KCNH2: variants seen among roughly 807,000 people sequenced by gnomAD.
KCNH2 encodes the protein voltage-gated inwardly rectifying potassium channel KCNH2.
A neutral mutation model predicts 95.9 loss-of-function variants in KCNH2; 35 were observed. The observed-to-expected ratio is 0.37, with a 90% CI of 0.28 to 0.48. KCNH2 has a LOEUF of 0.48. Ranked by LOEUF, KCNH2 falls within the 20% of genes least tolerant of loss-of-function variation. The pLI is 0.99. For synonymous variants in KCNH2, 786 were observed against 754.7 expected (o/e 1.04, Z -0.68); for missense variants, 1,274 against 1,702.9 (o/e 0.75, Z 4.43).
chr7:150,945,316 C>T lies in KCNH2; in HGVS notation c.*49G>A. On this transcript the variant is annotated 3_prime_UTR_variant, in exon 15 of 15. Transcript: ENST00000262186. The surrounding 1 kb of genome is among the most constrained non-coding windows in gnomAD (Gnocchi z 5.6). ...AGGGCCTCCAAGGGGAGCGGCCCAGCAGCGCCTTGATCCCTGGGTGAGCCA... is the reference window on the plus strand; with the variant it reads ...AGGGCCTCCAAGGGGAGCGGCCCAGTAGCGCCTTGATCCCTGGGTGAGCCA... 6.4e-7 allele frequency: 1 copy of T among 1,553,934 alleles called. No individual in the cohort carries two copies. Among genetic ancestry groups the T allele is most frequent in the Non-Finnish European group, 8.7e-7 (1 of 1,147,756 alleles).
rs552583527 is a variant in KCNH2 at position 150,958,158 on chromosome 7, G to A, written c.817C>T (p.Arg273Ter). 7.5e-7 allele frequency: 1 copy of A among 1,334,908 alleles called. No homozygotes were observed. The highest frequency in any genetic ancestry group is 2.0e-5 in the South Asian group (1 of 50,038). 82.7% of individuals were successfully genotyped at this position (1,334,908 alleles called of 1,614,324 possible). ...CGGCGCACGCTGGCGCAGCTTTCTC[G>A]GGAGCGCGTCCGGGCCAGGCTGCAG... is the stretch of plus-strand genomic sequence containing the variant. ...SSCSLARTRS[R>*]ESCASVRRAS... is the part of the protein sequence containing the mutation. The change falls in exon 4 of 15, where the codon CGA becomes TGA. Residue 273 changes from arginine (R) to a stop codon, truncating the protein, a stop_gained. Transcript: ENST00000262186. LOFTEE classifies it high-confidence loss of function.
intron 11 of KCNH2, 85 bp downstream of exon 11, chr7:150,948,359 T>TA (rs1800996179): frequency 3.6e-6 from 4 of 1,109,600 alleles, no homozygotes; most frequent in Non-Finnish European, 5.3e-6. Context: ...GAGGCCTGGG[T>TA]AAAGCAGACA....
chr7:150,955,410 G>A (rs1292043571), intron 5 of KCNH2: 1 of 1,561,998 alleles, frequency 6.4e-7, no homozygotes, highest in Non-Finnish European at 8.7e-7. Context: ...TGGGCCACGA[G>A]GCTGGAGATG....
chr7:150,947,820 C>T lies in KCNH2; in HGVS notation c.2751G>A (p.Pro917=), dbSNP rs1404614771. The T allele has an allele frequency of 7.2e-6, 11 of 1,526,070 alleles. No homozygotes were observed. Among genetic ancestry groups the T allele is most frequent in the African/African-American group, 4.1e-5 (3 of 72,664 alleles). 94.5% of individuals were successfully genotyped at this position (1,526,070 alleles called of 1,614,324 possible). A position where few individuals can be genotyped will look rare whatever the true frequency, so the allele number is the denominator to read the frequency against. ...GCCCCCCCGGCCGGCCCCGGCTACT[C>T]GGCCCTGCCCCCGCCCGGCCCGGCC... The part of the protein sequence containing the change: ...ALGPGRAGAG[P]SSRGRPGGPW... The change falls in exon 12 of 15, where the codon CCG becomes CCA. Residue 917 remains proline, a synonymous_variant. Transcript: ENST00000262186.
chr7:150,955,922 C>T, intron 5 of KCNH2: 3 of 868,894 alleles, frequency 3.5e-6, no homozygotes, highest in Non-Finnish European at 4.2e-6. Flanking sequence ...CCGCAGCCCG[C>T]CCAGGCTCCT....
rs755987120 is a variant in KCNH2, at chr7:150,947,594, C to T, written c.2965+12G>A. On this transcript the variant is annotated intron_variant, in intron 12 of 14. Coordinates refer to ENST00000262186, the MANE Select transcript of KCNH2 (RefSeq NM_000238.4). ...GCCCGGTCCTCCCTCGCCCGCCCGT[C>T]GCCCGGGATACCTGACAGGGGGTTG... 9.3e-6 allele frequency: 15 copies of T among 1,611,808 alleles called. No homozygotes were observed. Among genetic ancestry groups the T allele is most frequent in the Admixed American group, 8.4e-5 (5 of 59,852 alleles).
At position 150,951,843 on chromosome 7, in the gene KCNH2, A is replaced by C; in HGVS notation, c.1558-8T>G. On this transcript the variant is annotated splice_polypyrimidine_tract_variant and splice_region_variant and intron_variant, in intron 6 of 14. Transcript: ENST00000262186. ...CTTCAGCAGCCCGATCAGCTGGGGG[A>C]CAGGGAAGGGGCACATTCCGTTGAT... 6.4e-7 allele frequency: 1 copy of C among 1,564,010 alleles called. No individual in the cohort carries two copies. Among genetic ancestry groups the C allele is most frequent in the Non-Finnish European group, 8.7e-7 (1 of 1,152,080 alleles).
chr7:150,955,687 T>C, intron 5 of KCNH2: 1 of 1,372,974 alleles, frequency 7.3e-7, no homozygotes, highest in Non-Finnish European at 9.4e-7. Context: ...GGGGTCACCC[T>C]GGCAGTAAGC....
chr7:150,957,635 G>C, intron 4 of KCNH2, 133 bp from the exon 5 acceptor site: 2 of 731,034 alleles, frequency 2.7e-6, no homozygotes, highest in Non-Finnish European at 4.8e-6. Context: ...GACCAGGGGA[G>C]TCACAAGAAA....
intron 5 of KCNH2, among the ~76,000 whole-genome samples, chr7:150,956,114 C>T (rs914260818): frequency 8.5e-5 from 13 of 152,262 alleles, no homozygotes; most frequent in African/African-American, 2.6e-4. Context: ...ACACGCCTGC[C>T]GACACATACA....
chr7:150,946,245 G>A lies in KCNH2; in HGVS notation c.3330+632C>T, dbSNP rs527441723. On this transcript the variant is annotated intron_variant, in intron 14 of 14. Transcript: ENST00000262186. The surrounding 1 kb of genome is among the most constrained non-coding windows in gnomAD (Gnocchi z 6.5). Reference sequence around the variant, plus strand: ...TCCTGCAGAGGCCAGGAACATGCAGGTCCACCCAGGAGAGGACAAGGGGCA... The same window carrying A: ...TCCTGCAGAGGCCAGGAACATGCAGATCCACCCAGGAGAGGACAAGGGGCA... Among the ~76,000 whole-genome samples, 1 of 152,250 alleles carries A rather than the reference G, an allele frequency of 6.6e-6. No individual in the cohort carries two copies. Among genetic ancestry groups the A allele is most frequent in the Non-Finnish European group, 1.5e-5 (1 of 68,010 alleles).
chr7:150,956,562 G>A (rs1337432360), intron 5 of KCNH2, among the ~76,000 whole-genome samples: 2 of 152,016 alleles, frequency 1.3e-5, no homozygotes, highest in Non-Finnish European at 1.5e-5. Flanking sequence ...TGGAGGGGTC[G>A]CAGGTCCTCT....
intron 5 of KCNH2, among the ~76,000 whole-genome samples, chr7:150,956,280 GC>G (rs1254801482): frequency 1.3e-5 from 2 of 152,166 alleles, no homozygotes; most frequent in Non-Finnish European, 2.9e-5. Context: ...GAGGGGGAAT[GC>G]TCTGGAGTCA....
In KCNH2 at chr7:150,947,452, G is replaced by C; in HGVS notation, c.3028C>G (p.Gln1010Glu). 2 of 1,566,854 alleles carry C rather than the reference G, an allele frequency of 1.3e-6. No individual in the cohort carries two copies. Among genetic ancestry groups the C allele is most frequent in the Non-Finnish European group, 1.7e-6 (2 of 1,156,320 alleles). Residue 1010 changes from glutamine to glutamate, a missense_variant, in exon 13 of 15, where the codon CAG (glutamine) becomes GAG (glutamate). By Grantham distance (29) the Gln-to-Glu change is conservative. Coordinates refer to ENST00000262186, the MANE Select transcript of KCNH2 (RefSeq NM_000238.4). ...GGGGCGGGGCATCGAGGGAGCTCCT[G>C]GTACTGGCGGCCCCGACTGTCCCCC... is the stretch of plus-strand genomic sequence containing the variant. ...FWGDSRGRQY[Q>E]ELPRCPAPTP...
At position 150,946,026 on chromosome 7, in the gene KCNH2, C is replaced by T. The variant is rs982277747; in HGVS notation, c.3331-512G>A. 6.6e-6 allele frequency among the ~76,000 whole-genome samples: 1 copy of T among 152,132 alleles called. No homozygotes were observed. The highest frequency in any genetic ancestry group is 1.5e-5 in the Non-Finnish European group (1 of 68,012). ...GGTACTGAGCGTCTGCTGGTGAGAGCTCTGCGGGGGCGGCTGCGAAGGGAG... is the reference window on the plus strand; with the variant it reads ...GGTACTGAGCGTCTGCTGGTGAGAGTTCTGCGGGGGCGGCTGCGAAGGGAG... On this transcript the variant is annotated intron_variant, in intron 14 of 14. Transcript: ENST00000262186. The surrounding 1 kb of genome is among the most constrained non-coding windows in gnomAD (Gnocchi z 6.5).
intron 7 of KCNH2, 61 bp downstream of exon 7, chr7:150,951,383 GTTTC>G: frequency 6.3e-7 from 1 of 1,599,310 alleles, no homozygotes; most frequent in South Asian, 1.1e-5. Context: ...AGCAGCCTCA[GTTTC>G]CTCCAACTTG....
At chr7:150,950,746 G>A (rs1433118061) in intron 8 of KCNH2, among the ~76,000 whole-genome samples, 175 bp downstream of exon 8, 3 of 152,220 alleles carry the variant, frequency 2.0e-5, no homozygotes, top group African/African-American at 7.2e-5. Flanking sequence ...GAGCTCTCCA[G>A]GGAAGGGGTT....
chr7:150,951,873 C>A, intron 6 of KCNH2, 38 bp from the exon 7 acceptor site: 3 of 1,519,478 alleles, frequency 2.0e-6, no homozygotes, highest in Admixed American at 1.9e-5. Flanking sequence ...GTTGATGGGG[C>A]AAGGGGGGCA....
chr7:150,971,547 G>A (rs1422966480), intron 2 of KCNH2, among the ~76,000 whole-genome samples: 1 of 152,122 alleles, frequency 6.6e-6, no homozygotes, highest in Non-Finnish European at 1.5e-5. Flanking sequence ...TCAGAGGTAT[G>A]AGCAGCCAGA....
Sources: allele counts gnomAD v4.1 joint callset (sites outside exome capture counted in the v4.1 genomes callset), GRCh38; gene constraint gnomAD v4.1.1; non-coding constraint Gnocchi (gnomAD v3.1); transcripts MANE v1.5; gene names NCBI Gene and HGNC (gene_info 2026-07-23, HGNC 2026-07-21).